The following GRID2 variants were observed in gnomAD, a reference collection of about 807,000 sequenced individuals.
GRID2 encodes glutamate ionotropic receptor delta type subunit 2, also known as glutamate receptor ionotropic, delta-2.
Under a neutral mutation model 114.8 loss-of-function variants are expected in GRID2, and 33 were observed. The observed-to-expected ratio is 0.29, with a 90% confidence interval of 0.22 to 0.38. GRID2 has a LOEUF of 0.38. Among genes scored for constraint, GRID2 ranks in the 10% least tolerant of loss-of-function variants. GRID2 has a pLI of 1.00. For missense variants in GRID2, 1,184 were observed against 1,257.7 expected (o/e 0.94, Z 0.89); for synonymous variants, 505 against 449.9 (o/e 1.12, Z -1.55).
chr4:93,355,878 A>G (rs1423411437), intron 8 of GRID2, among the ~76,000 whole-genome samples: 5 of 152,186 alleles, frequency 3.3e-5, no homozygotes, highest in African/African-American at 1.2e-4. Context: ...GTATGATCCT[A>G]CTACAGATCT....
At chr4:92,851,395 C>T (rs538726025) in intron 2 of GRID2, among the ~76,000 whole-genome samples, 71 of 151,952 alleles carry the variant, frequency 4.7e-4, no homozygotes, top group African/African-American at 1.6e-3. Flanking sequence ...ATTCAAAATG[C>T]ATAGTAAATC....
intron 2 of GRID2, among the ~76,000 whole-genome samples, chr4:92,692,777 C>A (rs1358375695): frequency 6.6e-6 from 1 of 152,070 alleles, no homozygotes; most frequent in Non-Finnish European, 1.5e-5. Flanking sequence ...AATCCCAGCA[C>A]TTTGGGAGGC....
At chr4:93,241,621 T>G (rs936662783) in intron 8 of GRID2, among the ~76,000 whole-genome samples, 2 of 151,864 alleles carry the variant, frequency 1.3e-5, no homozygotes, top group African/African-American at 4.8e-5. Flanking sequence ...TGCCTAAAGC[T>G]GTCCTTTCTG....
At chr4:92,796,466 G>A (rs1739881046) in intron 2 of GRID2, among the ~76,000 whole-genome samples, 1 of 151,782 alleles carries the variant, frequency 6.6e-6, no homozygotes, top group Non-Finnish European at 1.5e-5. Flanking sequence ...TCAAGGCTTG[G>A]GGATTAGTAG....
At chr4:92,404,836 T>C (rs1015875833) in intron 1 of GRID2, among the ~76,000 whole-genome samples, 5 of 152,208 alleles carry the variant, frequency 3.3e-5, no homozygotes, top group Middle Eastern at 6.8e-3. Flanking sequence ...ACAATGAGAA[T>C]ACATTGACAC....
chr4:93,685,924 C>T (rs1246993888), intron 14 of GRID2, among the ~76,000 whole-genome samples: 1 of 152,022 alleles, frequency 6.6e-6, no homozygotes, highest in African/African-American at 2.4e-5. Context: ...CTCTAAAACA[C>T]AGGGGAGAGA....
intron 2 of GRID2, among the ~76,000 whole-genome samples, chr4:92,930,419 C>A (rs1192172571): frequency 6.6e-6 from 1 of 150,902 alleles, no homozygotes. Flanking sequence ...TTTTGCCTTG[C>A]CATAAAAAAT....
intron 2 of GRID2, chr4:92,885,146 AATCACTAATACGAC>A (rs1457268167): frequency 7.0e-6 from 2 of 284,462 alleles, no homozygotes; most frequent in African/African-American, 4.5e-5. Context: ...CCTCTTGTGT[AATCACTAATACGAC>A]ATCTTCAGTC....
intron 1 of GRID2, among the ~76,000 whole-genome samples, chr4:92,401,069 T>C (rs1218547091): frequency 6.6e-6 from 1 of 152,182 alleles, no homozygotes; most frequent in Non-Finnish European, 1.5e-5. Context: ...AGATCCTTTC[T>C]TTCATAAAAG....
chr4:93,722,529 G>T (rs1729474897), intron 14 of GRID2, among the ~76,000 whole-genome samples: 1 of 151,980 alleles, frequency 6.6e-6, no homozygotes. Flanking sequence ...TCTAATCTTT[G>T]TGTCCCCCCA....
downstream of GRID2, among the ~76,000 whole-genome samples, chr4:93,778,524 G>C (rs897986600): frequency 1.3e-5 from 2 of 149,962 alleles, no homozygotes; most frequent in Non-Finnish European, 2.9e-5. Context: ...AGCCTCCCAA[G>C]TAGCTAGGAC....
In GRID2 at chr4:93,591,961, G is replaced by A. The variant is rs1293560665; in HGVS notation, c.2194-34308G>A. ...TTCTTTTCTCTTTTTTTCTTTATTAGTCTTGCTAGTGCTCTATCAATTTTG... is the reference window on the plus strand; with the variant it reads ...TTCTTTTCTCTTTTTTTCTTTATTAATCTTGCTAGTGCTCTATCAATTTTG... On this transcript the variant is annotated intron_variant, in intron 13 of 15. Coordinates refer to ENST00000282020, the MANE Select transcript of GRID2 (RefSeq NM_001510.4). Among the ~76,000 whole-genome samples the A allele has an allele frequency of 2.6e-5, 4 of 151,736 alleles. No homozygotes were observed. The East Asian group carries it at 7.7e-4, about 29-fold the overall frequency.
intron 8 of GRID2, among the ~76,000 whole-genome samples, chr4:93,348,791 A>G (rs1464798520): frequency 6.6e-6 from 1 of 152,178 alleles, no homozygotes; most frequent in Non-Finnish European, 1.5e-5. Context: ...AAACAATCAA[A>G]TAAAATATAA....
chr4:92,920,849 T>G (rs1749258570), intron 2 of GRID2, among the ~76,000 whole-genome samples: 1 of 151,966 alleles, frequency 6.6e-6, no homozygotes, highest in Admixed American at 6.5e-5. Context: ...TCTCAAGGAT[T>G]ATCTTTGTGG....
In GRID2 at chr4:93,398,149, A is replaced by ATATATC. The variant is rs1560579261; in HGVS notation, c.1347+2444_1347+2445insATCTAT. 1.2e-3 allele frequency among the ~76,000 whole-genome samples: 177 copies of ATATATC among 145,394 alleles called. 7 individuals are homozygous for ATATATC. The highest frequency in any genetic ancestry group is 4.6e-3 in the African/African-American group (172 of 37,414). The stretch of plus-strand genomic sequence containing the variant: ...TGTGTGTGTGTATATATATATATAT[A>ATATATC]TATCTTATCATTAAGGGAAGGGGTT... On this transcript the variant is annotated intron_variant, in intron 9 of 15. Transcript: ENST00000282020.
At chr4:93,164,192 CAG>C (rs1738035793) in intron 4 of GRID2, among the ~76,000 whole-genome samples, 1 of 151,844 alleles carries the variant, frequency 6.6e-6, no homozygotes, top group African/African-American at 2.4e-5. Flanking sequence ...AGAAAATAAA[CAG>C]AGGGAAATAC....
At chr4:93,727,872 C>G (rs1312340385) in intron 14 of GRID2, among the ~76,000 whole-genome samples, 1 of 152,068 alleles carries the variant, frequency 6.6e-6, no homozygotes, top group African/African-American at 2.4e-5. Context: ...TGATTCTTCT[C>G]TCTTTTCTTC....
chr4:93,517,561 CAGAG>C (rs1449393618), intron 13 of GRID2, among the ~76,000 whole-genome samples: 1 of 151,986 alleles, frequency 6.6e-6, no homozygotes, highest in Non-Finnish European at 1.5e-5. Context: ...ATTGATTAGA[CAGAG>C]AGCAGCTAAT....
intron 13 of GRID2, among the ~76,000 whole-genome samples, chr4:93,536,760 A>T (rs1732130003): frequency 6.6e-6 from 1 of 151,518 alleles, no homozygotes; most frequent in Admixed American, 6.6e-5. Flanking sequence ...AAGAGACCAC[A>T]CAATGATTAA....
Sources: gnomAD v4.1 joint callset for allele counts (sites outside exome capture counted in the v4.1 genomes callset) on GRCh38, gnomAD v4.1.1 for gene constraint, MANE v1.5 for transcripts, NCBI Gene and HGNC (gene_info 2026-07-23, HGNC 2026-07-21) for gene names.